The following SLC24A3 variants were observed in gnomAD, a reference collection of about 807,000 sequenced individuals.
The protein encoded by SLC24A3 is sodium/potassium/calcium exchanger 3.
A neutral mutation model predicts 75.8 loss-of-function variants in SLC24A3; 28 were observed. The observed-to-expected ratio is 0.37, with a 90% confidence interval of 0.27 to 0.51. The LOEUF is 0.51. Ranked by LOEUF, SLC24A3 falls within the 20% of genes least tolerant of loss-of-function variation. The pLI is 0.94. For synonymous variants in SLC24A3, 372 were observed against 334.1 expected (o/e 1.11, Z -1.24); for missense variants, 663 against 847.8 (o/e 0.78, Z 2.71).
At chr20:19,489,009 T>C (rs900547114) in intron 2 of SLC24A3, among the ~76,000 whole-genome samples, 2 of 152,248 alleles carry the variant, frequency 1.3e-5, no homozygotes, top group East Asian at 1.9e-4. Flanking sequence ...TTGTATTTAC[T>C]GAGATCAGTC....
chr20:19,634,774 G>C (rs967287947), intron 6 of SLC24A3, among the ~76,000 whole-genome samples: 6 of 151,920 alleles, frequency 3.9e-5, no homozygotes, highest in African/African-American at 1.5e-4. Flanking sequence ...AGCCGGGGGG[G>C]ACACTTTTCT....
At chr20:19,501,303 T>C (rs1600255440) in intron 2 of SLC24A3, among the ~76,000 whole-genome samples, 1 of 152,214 alleles carries the variant, frequency 6.6e-6, no homozygotes, top group Admixed American at 6.5e-5. Context: ...AATTTTCACT[T>C]TCTTCCATAA....
intron 12 of SLC24A3, among the ~76,000 whole-genome samples, chr20:19,687,654 A>G (rs941116785): frequency 1.3e-5 from 2 of 152,200 alleles, no homozygotes; most frequent in African/African-American, 2.4e-5. Context: ...AGAATCCCCA[A>G]GTGCACCCCT....
In SLC24A3 at chr20:19,681,746, C is replaced by G; in HGVS notation, c.768-112C>G. On this transcript the variant is annotated intron_variant, in intron 9 of 16. Coordinates refer to ENST00000328041, the MANE Select transcript of SLC24A3 (RefSeq NM_020689.4). ...AAATTAGAACACTAATAACTTGAGG[C>G]CTGGTGACTGTGCATGCAGACTGGG... 2.6e-6 allele frequency: 4 copies of G among 1,534,780 alleles called. No individual in the cohort carries two copies. The South Asian group carries it at 4.6e-5, about 18-fold the overall frequency.
chr20:19,348,634 ATGT>A (rs1302289533), intron 2 of SLC24A3, among the ~76,000 whole-genome samples: 3 of 152,042 alleles, frequency 2.0e-5, no homozygotes, highest in Admixed American at 6.5e-5. Flanking sequence ...GTCTAACATC[ATGT>A]TGTATCTCTG....
intron 6 of SLC24A3, among the ~76,000 whole-genome samples, chr20:19,596,903 C>T (rs1045615918): frequency 5.9e-5 from 9 of 152,232 alleles, no homozygotes; most frequent in African/African-American, 1.9e-4. Flanking sequence ...TGCTTTCTCA[C>T]ACCCCCTTTC....
chr20:19,473,797 G>A (rs1568628164), intron 2 of SLC24A3, among the ~76,000 whole-genome samples: 1 of 152,230 alleles, frequency 6.6e-6, no homozygotes, highest in Non-Finnish European at 1.5e-5. Context: ...CAGTGTAGGT[G>A]AGATCGGGCT....
intron 3 of SLC24A3, among the ~76,000 whole-genome samples, chr20:19,569,249 C>T (rs1313292878): frequency 6.6e-6 from 1 of 152,146 alleles, no homozygotes; most frequent in East Asian, 1.9e-4. Context: ...TTTTATGTTT[C>T]CTGTGTCCTG....
rs775903076 is a variant in SLC24A3, at chr20:19,685,238, G to A, written c.1201G>A (p.Asp401Asn). 3.0e-5 allele frequency: 48 copies of A among 1,614,050 alleles called. No individual in the cohort carries two copies. The East Asian group carries it at 9.1e-4, about 31-fold the overall frequency. ...CAGGGGCGTGAATGGGACACGGAGG[G>A]ACGATGTTGTGGCTGAGGCTGGCAA... ...PDRGVNGTRR[D>N]DVVAEAGNET... Residue 401 changes from aspartate (D) to asparagine (N), a missense_variant, in exon 12 of 17, where the codon GAC becomes AAC. Transcript: ENST00000328041.
chr20:19,284,013 A>G (rs1235441049), intron 2 of SLC24A3: 1 of 152,620 alleles, frequency 6.6e-6, no homozygotes, highest in Non-Finnish European at 1.5e-5. Flanking sequence ...CCATCTTCCC[A>G]TGTAGGCAAG....
At chr20:19,451,867 T>A (rs1052632479) in intron 2 of SLC24A3, among the ~76,000 whole-genome samples, 3 of 152,164 alleles carry the variant, frequency 2.0e-5, no homozygotes, top group African/African-American at 7.2e-5. Context: ...TTGGTCTCTG[T>A]TTTTTTCCCC....
At chr20:19,681,812 G>A (rs774015244) in intron 9 of SLC24A3, 46 bp from the exon 10 acceptor site, 2 of 1,612,396 alleles carry the variant, frequency 1.2e-6, no homozygotes, top group Non-Finnish European at 1.7e-6. Flanking sequence ...AGAAATGGGA[G>A]AATGGAAAAC....
intron 2 of SLC24A3, among the ~76,000 whole-genome samples, chr20:19,506,743 C>T (rs1403177877): frequency 1.3e-5 from 2 of 151,560 alleles, no homozygotes; most frequent in African/African-American, 4.9e-5. Flanking sequence ...CCCAAGCTAA[C>T]CTCAACTGTT....
intron 6 of SLC24A3, among the ~76,000 whole-genome samples, chr20:19,651,371 T>TTATATA (rs201410584): frequency 1.5e-4 from 16 of 105,948 alleles, no homozygotes; most frequent in South Asian, 3.0e-4. Flanking sequence ...CTGGTTTTTA[T>TTATATA]TATATATATA....
intron 6 of SLC24A3, among the ~76,000 whole-genome samples, chr20:19,600,251 A>G (rs899088786): frequency 2.0e-5 from 3 of 152,024 alleles, no homozygotes; most frequent in African/African-American, 7.2e-5. Context: ...AGGAGGCGCC[A>G]TTTCTCGCTG....
chr20:19,624,926 CG>C (rs1555803379), intron 6 of SLC24A3, among the ~76,000 whole-genome samples: 1 of 152,078 alleles, frequency 6.6e-6, no homozygotes, highest in Non-Finnish European at 1.5e-5. Context: ...CATAATTTTT[CG>C]GGTCAGCAAT....
At chr20:19,588,844 T>G (rs571589081) in intron 6 of SLC24A3, among the ~76,000 whole-genome samples, 1 of 152,192 alleles carries the variant, frequency 6.6e-6, no homozygotes, top group Non-Finnish European at 1.5e-5. Context: ...CAAACAGAAA[T>G]TATGCAGTTT....
At chr20:19,513,736 T>TAAAAAAAAA (rs74180954) in intron 2 of SLC24A3, among the ~76,000 whole-genome samples, 19 of 123,298 alleles carry the variant, frequency 1.5e-4, no homozygotes, top group African/African-American at 6.2e-4. Flanking sequence ...GCTTTTTTTT[T>TAAAAAAAAA]AGAAAAAAAA....
At chr20:19,333,654 TGTGA>T (rs1245944321) in intron 2 of SLC24A3, among the ~76,000 whole-genome samples, 1 of 151,002 alleles carries the variant, frequency 6.6e-6, no homozygotes, top group Non-Finnish European at 1.5e-5. Context: ...TGTGTGTGTG[TGTGA>T]GAGTGTGTGT....
Sources: gnomAD v4.1 joint callset for allele counts (sites outside exome capture counted in the v4.1 genomes callset) on GRCh38, gnomAD v4.1.1 for gene constraint, MANE v1.5 for transcripts, NCBI Gene and HGNC (gene_info 2026-07-23, HGNC 2026-07-21) for gene names.